FOXK2: variants seen among roughly 807,000 people sequenced by gnomAD.
FOXK2 encodes the protein forkhead box K2.
A neutral mutation model predicts 53.3 loss-of-function variants in FOXK2; 24 were observed. The observed-to-expected ratio is 0.45, with a 90% CI of 0.33 to 0.63. FOXK2 has a LOEUF of 0.63. Among genes scored for constraint, FOXK2 ranks in the 30% least tolerant of loss-of-function variants. The pLI, the probability that FOXK2 is intolerant of heterozygous loss-of-function variation, is 0.03. For synonymous variants in FOXK2, 505 were observed against 407.1 expected (o/e 1.24, Z -2.89); for missense variants, 952 against 910.5 (o/e 1.05, Z -0.59).
intron 8 of FOXK2, among the ~76,000 whole-genome samples, chr17:82,598,005 T>C (rs547274429): frequency 2.0e-5 from 3 of 152,302 alleles, no homozygotes; most frequent in Admixed American, 6.5e-5. Context: ...TGACACAGAA[T>C]AATTGTGCAA....
At chr17:82,595,832 C>T (rs1419831563) in intron 8 of FOXK2, 2 of 1,289,570 alleles carry the variant, frequency 1.6e-6, no homozygotes, top group East Asian at 5.5e-5. Flanking sequence ...CTGGAGTTGC[C>T]TCAGTTGACA....
chr17:82,554,977 G>T (rs956636131), intron 1 of FOXK2, among the ~76,000 whole-genome samples: 5 of 152,048 alleles, frequency 3.3e-5, no homozygotes, highest in South Asian at 2.1e-4. Context: ...TCGAACTCCT[G>T]ACCTCAGGTG....
intron 2 of FOXK2, among the ~76,000 whole-genome samples, chr17:82,566,400 A>G (rs923925811): frequency 6.6e-6 from 1 of 151,770 alleles, no homozygotes; most frequent in Non-Finnish European, 1.5e-5. Context: ...CCTCTCTCCC[A>G]TTGCTCCTTT....
intron 1 of FOXK2, among the ~76,000 whole-genome samples, chr17:82,541,936 A>G (rs1008032214): frequency 6.6e-6 from 1 of 150,500 alleles, no homozygotes; most frequent in Non-Finnish European, 1.5e-5. Flanking sequence ...GCTGGAGTGC[A>G]GTGACACAAT....
In FOXK2 at chr17:82,520,310, G is replaced by GCACATTCAGGTTCCCGAGCACAAACATC; in HGVS notation, c.419+3_419+4insCACATTCAGGTTCCCGAGCACAAACATC. The GCACATTCAGGTTCCCGAGCACAAACATC allele has an allele frequency of 7.9e-7, 1 of 1,260,950 alleles. No individual in the cohort carries two copies. Among genetic ancestry groups the GCACATTCAGGTTCCCGAGCACAAACATC allele is most frequent in the East Asian group, 3.2e-5 (1 of 30,990 alleles). The allele number at this position is 1,260,950 out of a possible 1,614,324, so 78.1% of individuals were successfully genotyped here. Reference sequence around the variant, plus strand: ...CCGCCGCTGCAGCTGCCGCGCGTGTGAGTGGCCTCGGGGCGGGGCGGGCGG... The same window carrying GCACATTCAGGTTCCCGAGCACAAACATC: ...CCGCCGCTGCAGCTGCCGCGCGTGTGCACATTCAGGTTCCCGAGCACAAACATCAGTGGCCTCGGGGCGGGGCGGGCGG... On this transcript the variant is annotated splice_donor_region_variant and intron_variant, in intron 1 of 8. Transcript: ENST00000335255.
intron 1 of FOXK2, among the ~76,000 whole-genome samples, chr17:82,533,770 G>A (rs979464218): frequency 3.9e-5 from 6 of 151,990 alleles, no homozygotes; most frequent in African/African-American, 7.3e-5. Context: ...TTTGTTAGCC[G>A]GGCATGGTGG....
intron 1 of FOXK2, among the ~76,000 whole-genome samples, chr17:82,531,901 C>T (rs1438673014): frequency 1.3e-5 from 2 of 152,334 alleles, no homozygotes; most frequent in South Asian, 2.1e-4. Flanking sequence ...AGTGCAATGG[C>T]GTGATCTTGG....
rs775646009 is a variant in FOXK2, at chr17:82,571,217, A to G, written c.763-507A>G. Among the ~76,000 whole-genome samples, 102 of 152,042 alleles carry G rather than the reference A, an allele frequency of 6.7e-4. 1 individual carries two copies. The highest frequency in any genetic ancestry group is 1.1e-3 in the Non-Finnish European group (72 of 67,968). On this transcript the variant is annotated intron_variant, in intron 3 of 8. Transcript: ENST00000335255. ...TTATGTCTTCATTTTTGACATTTGG[A>G]TTTTTTCCTTATGTAATTTTTAATA...
At chr17:82,547,409 T>C (rs1424828577) in intron 1 of FOXK2, among the ~76,000 whole-genome samples, 1 of 152,190 alleles carries the variant, frequency 6.6e-6, no homozygotes, top group African/African-American at 2.4e-5. Flanking sequence ...AGTTTATGAA[T>C]TTGTATTGGG....
At chr17:82,584,698 A>G (rs2045112314) in intron 6 of FOXK2, among the ~76,000 whole-genome samples, 1 of 151,474 alleles carries the variant, frequency 6.6e-6, no homozygotes, top group Admixed American at 6.6e-5. Context: ...ACACACCACC[A>G]CACCCAGCTG....
intron 1 of FOXK2, among the ~76,000 whole-genome samples, chr17:82,553,987 C>G (rs1380878031): frequency 6.6e-6 from 1 of 152,242 alleles, no homozygotes; most frequent in African/African-American, 2.4e-5. Flanking sequence ...GCGCCCACCA[C>G]CACGCCTGGG....
intron 1 of FOXK2, among the ~76,000 whole-genome samples, chr17:82,552,337 G>A (rs911061291): frequency 3.9e-4 from 59 of 152,164 alleles, no homozygotes; most frequent in African/African-American, 1.3e-3. Context: ...TTAAACATTC[G>A]AGGGGCAGTT....
chr17:82,576,291 G>T (rs2044985098), intron 4 of FOXK2, among the ~76,000 whole-genome samples: 1 of 151,368 alleles, frequency 6.6e-6, no homozygotes, highest in Non-Finnish European at 1.5e-5. Flanking sequence ...CCACACCAGC[G>T]TGTGTGCTCG....
At chr17:82,591,541 A>G (rs1035771863) in intron 8 of FOXK2, among the ~76,000 whole-genome samples, 1 of 152,180 alleles carries the variant, frequency 6.6e-6, no homozygotes, top group Non-Finnish European at 1.5e-5. Flanking sequence ...GCCTGGCACC[A>G]AGAAACTGCT....
chr17:82,600,730 A>AC (rs1357446437), intron 8 of FOXK2: 1 of 153,250 alleles, frequency 6.5e-6, no homozygotes, highest in South Asian at 2.0e-4. Flanking sequence ...CTGTGGACTG[A>AC]CCCAGGACAC....
intron 1 of FOXK2, among the ~76,000 whole-genome samples, chr17:82,544,346 T>A (rs896734636): frequency 1.3e-5 from 2 of 152,242 alleles, no homozygotes; most frequent in African/African-American, 2.4e-5. Context: ...TTCTTTTTTT[T>A]ATGTAAGCCA....
chr17:82,587,622 G>T, intron 8 of FOXK2: 1 of 368,242 alleles, frequency 2.7e-6, no homozygotes, highest in Non-Finnish European at 5.2e-6. Context: ...TGTGGCCTGT[G>T]GCGGTGCTAT....
chr17:82,537,657 T>G (rs948083778), intron 1 of FOXK2, among the ~76,000 whole-genome samples: 2 of 136,710 alleles, frequency 1.5e-5, no homozygotes, highest in Admixed American at 7.5e-5. Context: ...AGGCACACGG[T>G]GGCTTATGCC....
chr17:82,567,421 C>A (rs574310363), intron 2 of FOXK2, among the ~76,000 whole-genome samples: 4 of 152,208 alleles, frequency 2.6e-5, no homozygotes, highest in Non-Finnish European at 4.4e-5. Context: ...CCGTCCAGCC[C>A]GGTGGGAAAA....
Sources: allele counts gnomAD v4.1 joint callset (sites outside exome capture counted in the v4.1 genomes callset), GRCh38; gene constraint gnomAD v4.1.1; transcripts MANE v1.5; gene names NCBI Gene and HGNC (gene_info 2026-07-23, HGNC 2026-07-21).